Variants in LYRM4 observed in about 807,000 individuals in gnomAD.
LYRM4 encodes LYR motif-containing protein 4.
LYRM4 carries 9 observed loss-of-function variants against 11.7 expected under a neutral mutation model. The observed-to-expected ratio is 0.77, with a 90% CI of 0.46 to 1.34. The LOEUF (loss-of-function observed/expected upper bound fraction) is 1.34, where lower values mean the gene tolerates loss of function less well. Ranked by LOEUF, LYRM4 falls within the 40% of genes most tolerant of loss-of-function variation. The probability of loss-of-function intolerance (pLI) is 0.00; values close to 1 mark genes in which losing one functional copy is unlikely to be tolerated. For missense variants in LYRM4, 133 were observed against 112.5 expected, an observed-to-expected ratio of 1.18 and a Z score of -0.82; for synonymous variants, 42 against 40.4, an observed-to-expected ratio of 1.04 and a Z score of -0.15.
At chr6:5,150,535 A>G (rs1480966706) in intron 2 of LYRM4, among the ~76,000 whole-genome samples, 1 of 152,228 alleles carries the variant, frequency 6.6e-6, no homozygotes, top group Non-Finnish European at 1.5e-5. Flanking sequence ...TCCTGAGCAC[A>G]GTGCCTAGTA....
chr6:5,181,143 C>A (rs926729682), intron 2 of LYRM4, among the ~76,000 whole-genome samples: 1 of 152,112 alleles, frequency 6.6e-6, no homozygotes, highest in Non-Finnish European at 1.5e-5. Flanking sequence ...TACACAATTA[C>A]AAGGTTTTCG....
chr6:5,086,156 A>G, the LYRM4 span: 1 of 1,521,484 alleles, frequency 6.6e-7, no homozygotes, highest in Non-Finnish European at 8.8e-7. Flanking sequence ...GAGCGCGTGC[A>G]GTGCTCGACG....
At chr6:5,037,784 T>C in the LYRM4 span, among the ~76,000 whole-genome samples, 1 of 59,270 alleles carries the variant, frequency 1.7e-5, no homozygotes, top group Admixed American at 2.3e-4. Flanking sequence ...GCCCCTCACC[T>C]CCCGGACGGG....
chr6:5,185,791 A>C (rs1405876740), intron 2 of LYRM4, among the ~76,000 whole-genome samples: 2 of 152,142 alleles, frequency 1.3e-5, no homozygotes, highest in African/African-American at 4.8e-5. Flanking sequence ...CTTGCAGGAG[A>C]CAGGTGTGTC....
the LYRM4 span, among the ~76,000 whole-genome samples, chr6:5,094,017 G>T: frequency 1.3e-5 from 2 of 152,232 alleles, no homozygotes; most frequent in African/African-American, 2.4e-5. Flanking sequence ...TTGGGCCAAA[G>T]TGTCTGACTT....
downstream of LYRM4, among the ~76,000 whole-genome samples, chr6:5,100,890 T>G (rs1008512177): frequency 3.3e-5 from 5 of 152,248 alleles, no homozygotes; most frequent in Non-Finnish European, 7.3e-5. Context: ...GCTCATCAAG[T>G]CCATCATTTG....
the LYRM4 span, among the ~76,000 whole-genome samples, chr6:5,062,298 C>T: frequency 1.5e-5 from 2 of 135,704 alleles, no homozygotes; most frequent in East Asian, 3.9e-4. Flanking sequence ...ATTTATAATA[C>T]ATATTAATTA....
At chr6:5,212,132 C>T (rs1003564863) in intron 2 of LYRM4, among the ~76,000 whole-genome samples, 2 of 152,130 alleles carry the variant, frequency 1.3e-5, no homozygotes, top group African/African-American at 4.8e-5. Context: ...AGAAGATGCT[C>T]GAAGAGCAGG....
intron 1 of LYRM4, among the ~76,000 whole-genome samples, chr6:5,235,124 G>C (rs1018496602): frequency 1.3e-5 from 2 of 152,034 alleles, no homozygotes; most frequent in Non-Finnish European, 2.9e-5. Context: ...TTTGCACATA[G>C]TGGTGTTAAA....
chr6:5,059,941 T>A, the LYRM4 span, among the ~76,000 whole-genome samples: 1 of 152,140 alleles, frequency 6.6e-6, no homozygotes, highest in Non-Finnish European at 1.5e-5. Flanking sequence ...GCTGGGACTA[T>A]AGGCATGAGA....
intron 2 of LYRM4, among the ~76,000 whole-genome samples, chr6:5,120,819 G>A (rs1280895150): frequency 6.6e-6 from 1 of 152,092 alleles, no homozygotes; most frequent in Non-Finnish European, 1.5e-5. Flanking sequence ...CGATTGGTGC[G>A]TTTTTACAGA....
chr6:5,218,304 GA>G (rs895515919), intron 1 of LYRM4: 47 of 985,110 alleles, frequency 4.8e-5, no homozygotes, highest in Non-Finnish European at 5.7e-5. Flanking sequence ...AGCAACAGAA[GA>G]ATGGAAATAC....
intron 1 of LYRM4, among the ~76,000 whole-genome samples, chr6:5,222,648 A>G (rs544151220): frequency 6.6e-6 from 1 of 152,254 alleles, no homozygotes; most frequent in African/African-American, 2.4e-5. Flanking sequence ...GTACCCTTAA[A>G]ATGGATGCAC....
the LYRM4 span, among the ~76,000 whole-genome samples, chr6:5,097,949 G>A: frequency 2.6e-5 from 4 of 152,192 alleles, no homozygotes; most frequent in African/African-American, 9.6e-5. Flanking sequence ...GGGGCCTCCT[G>A]TTTGGTGTCT....
chr6:5,129,307 G>A (rs1276650064), intron 2 of LYRM4, among the ~76,000 whole-genome samples: 24 of 152,208 alleles, frequency 1.6e-4, no homozygotes, highest in Admixed American at 1.6e-3. Context: ...AACAACACAA[G>A]TTTATTCTCT....
the LYRM4 span, among the ~76,000 whole-genome samples, chr6:5,035,780 TCCTTC>T: frequency 8.8e-4 from 2 of 2,282 alleles, 1 homozygote; most frequent in African/African-American, 2.4e-3. Flanking sequence ...CTTCCTTCCT[TCCTTC>T]CCCCCCCCAC....
chr6:5,147,716 C>T lies in LYRM4; in HGVS notation c.208-38225G>A, dbSNP rs78977266. 3.6e-3 allele frequency among the ~76,000 whole-genome samples: 547 copies of T among 152,310 alleles called. 20 individuals are homozygous for T. The East Asian group carries it at 0.084, about 23-fold the overall frequency. On this transcript the variant is annotated intron_variant, in intron 2 of 2. Transcript: ENST00000330636. ...CCATGTAGAGACGTCCATCTCCCCTCGGTTCTCTCCCTACTGCCTAAACAT... is the reference window on the plus strand; with the variant it reads ...CCATGTAGAGACGTCCATCTCCCCTTGGTTCTCTCCCTACTGCCTAAACAT...
the LYRM4 span, among the ~76,000 whole-genome samples, chr6:5,053,461 A>G: frequency 6.6e-6 from 1 of 151,980 alleles, no homozygotes; most frequent in African/African-American, 2.4e-5. Context: ...CAGAAGAGGG[A>G]GAGATGGAAA....
chr6:5,155,156 A>T (rs1207977553), intron 2 of LYRM4, among the ~76,000 whole-genome samples: 1 of 152,132 alleles, frequency 6.6e-6, no homozygotes, highest in African/African-American at 2.4e-5. Context: ...ATCTTGGCTC[A>T]CTGCAAACTC....
Sources: gnomAD v4.1 joint callset for allele counts (sites outside exome capture counted in the v4.1 genomes callset) on GRCh38, gnomAD v4.1.1 for gene constraint, MANE v1.5 for transcripts, NCBI Gene and HGNC (gene_info 2026-07-23, HGNC 2026-07-21) for gene names.